The following ZNF385D variants were observed in gnomAD, a reference collection of about 807,000 sequenced individuals.
ZNF385D encodes zinc finger protein 659.
ZNF385D carries 15 observed loss-of-function variants against 35.8 expected under a neutral mutation model. The observed-to-expected ratio is 0.42, with a 90% CI of 0.28 to 0.64. The LOEUF is 0.64. Among genes scored for constraint, ZNF385D ranks in the 30% least tolerant of loss-of-function variants. ZNF385D has a pLI of 0.23. For synonymous variants in ZNF385D, 212 were observed against 186.8 expected, an observed-to-expected ratio of 1.13 and a Z score of -1.10; for missense variants, 474 against 494.6, an observed-to-expected ratio of 0.96 and a Z score of 0.39.
chr3:22,252,305 C>G (rs1176995848), intron 2 of ZNF385D, among the ~76,000 whole-genome samples: 4 of 151,988 alleles, frequency 2.6e-5, no homozygotes, highest in Admixed American at 1.3e-4. Context: ...TAATTTTTCC[C>G]TGATTTAAAC....
intron 2 of ZNF385D, among the ~76,000 whole-genome samples, chr3:22,295,451 T>G (rs1261916610): frequency 7.1e-6 from 1 of 140,612 alleles, no homozygotes; most frequent in Middle Eastern, 3.2e-3. Flanking sequence ...AACAAATTTT[T>G]TAATGCAGTA....
chr3:21,890,644 A>C (rs1404500980), intron 3 of ZNF385D, among the ~76,000 whole-genome samples: 2 of 152,092 alleles, frequency 1.3e-5, no homozygotes, highest in African/African-American at 4.8e-5. Flanking sequence ...AGAGAAGAGA[A>C]GAGAAGAGAA....
chr3:22,281,322 A>G (rs1701727363), intron 2 of ZNF385D, among the ~76,000 whole-genome samples: 2 of 151,966 alleles, frequency 1.3e-5, no homozygotes, highest in African/African-American at 4.8e-5. Flanking sequence ...CCAGTTCTTA[A>G]AGGGAATGCT....
chr3:22,203,227 G>A (rs939488891), intron 2 of ZNF385D, among the ~76,000 whole-genome samples: 4 of 152,112 alleles, frequency 2.6e-5, no homozygotes, highest in South Asian at 2.1e-4. Context: ...GCAATGGGCA[G>A]AGATGCGAGG....
intron 3 of ZNF385D, among the ~76,000 whole-genome samples, chr3:21,866,245 G>A (rs956310043): frequency 5.9e-5 from 9 of 152,072 alleles, no homozygotes; most frequent in Admixed American, 3.3e-4. Context: ...CTGAGGTCAG[G>A]AGTTCGAGAC....
intron 3 of ZNF385D, among the ~76,000 whole-genome samples, chr3:21,556,481 G>A (rs955981897): frequency 6.6e-6 from 1 of 152,058 alleles, no homozygotes; most frequent in Non-Finnish European, 1.5e-5. Context: ...AAATAGGGAA[G>A]CCTTTCCCCA....
intron 1 of ZNF385D, among the ~76,000 whole-genome samples, chr3:21,730,382 T>C (rs2068940604): frequency 6.6e-6 from 1 of 152,230 alleles, no homozygotes; most frequent in Admixed American, 6.5e-5. Context: ...TGGGAAGCTT[T>C]TGCACATTTT....
At chr3:21,867,362 T>A (rs1400267519) in intron 3 of ZNF385D, among the ~76,000 whole-genome samples, 1 of 152,100 alleles carries the variant, frequency 6.6e-6, no homozygotes, top group African/African-American at 2.4e-5. Context: ...TAAATCAAAA[T>A]CTCCAGAGGT....
chr3:22,030,176 G>A (rs1031375197), intron 3 of ZNF385D, among the ~76,000 whole-genome samples: 3 of 146,944 alleles, frequency 2.0e-5, no homozygotes, highest in African/African-American at 7.6e-5. Flanking sequence ...GACTTGGACT[G>A]GCTCTACTTG....
intron 2 of ZNF385D, among the ~76,000 whole-genome samples, chr3:22,247,947 T>C (rs572895421): frequency 6.6e-6 from 1 of 152,230 alleles, no homozygotes; most frequent in East Asian, 1.9e-4. Context: ...TTCCATGGAT[T>C]CAAGAGCATT....
chr3:21,703,640 T>G (rs1339103698), intron 1 of ZNF385D, among the ~76,000 whole-genome samples: 1 of 145,366 alleles, frequency 6.9e-6, no homozygotes, highest in Non-Finnish European at 1.5e-5. Context: ...CTTGTAAATA[T>G]AGCTCATGCT....
At chr3:21,725,106 C>T (rs922084557) in intron 1 of ZNF385D, among the ~76,000 whole-genome samples, 1 of 152,022 alleles carries the variant, frequency 6.6e-6, no homozygotes, top group Non-Finnish European at 1.5e-5. Flanking sequence ...AAAATGAGGG[C>T]AGAAATAAAG....
At chr3:21,526,057 G>A (rs976063672) in intron 3 of ZNF385D, among the ~76,000 whole-genome samples, 7 of 151,992 alleles carry the variant, frequency 4.6e-5, no homozygotes, top group South Asian at 4.1e-4. Flanking sequence ...TTATTACACC[G>A]TAAACAGATG....
intron 1 of ZNF385D, among the ~76,000 whole-genome samples, chr3:21,731,073 G>A (rs1052141955): frequency 2.2e-4 from 33 of 152,114 alleles, no homozygotes; most frequent in African/African-American, 8.0e-4. Context: ...AGTACATGCT[G>A]TAAAATATAT....
intron 2 of ZNF385D, among the ~76,000 whole-genome samples, chr3:22,330,823 C>A (rs2125460124): frequency 6.6e-6 from 1 of 152,304 alleles, no homozygotes; most frequent in Middle Eastern, 3.4e-3. Context: ...CCTGCCTTTA[C>A]TTTGCACTCT....
At chr3:22,113,965 G>C (rs753171833) in intron 3 of ZNF385D, among the ~76,000 whole-genome samples, 32 of 151,934 alleles carry the variant, frequency 2.1e-4, no homozygotes, top group Non-Finnish European at 4.0e-4. Context: ...AACCACATCA[G>C]TTTACCTTTA....
intron 3 of ZNF385D, chr3:21,961,505 ATT>A (rs1261093173): frequency 6.6e-6 from 1 of 152,200 alleles, no homozygotes; most frequent in Non-Finnish European, 1.5e-5. Context: ...AATGAAATAA[ATT>A]GTAATCATGC....
intron 2 of ZNF385D, among the ~76,000 whole-genome samples, chr3:22,217,459 G>A (rs1697959730): frequency 6.6e-6 from 1 of 152,070 alleles, no homozygotes; most frequent in African/African-American, 2.4e-5. Flanking sequence ...ATACAGAGGT[G>A]CACTTCACTC....
intron 3 of ZNF385D, among the ~76,000 whole-genome samples, chr3:21,967,665 C>A (rs187069844): frequency 6.6e-6 from 1 of 152,300 alleles, no homozygotes. Flanking sequence ...CCTAAGACTT[C>A]TAACACACAG....
Sources: gnomAD v4.1 joint callset for allele counts (sites outside exome capture counted in the v4.1 genomes callset) on GRCh38, gnomAD v4.1.1 for gene constraint, MANE v1.5 for transcripts, NCBI Gene and HGNC (gene_info 2026-07-23, HGNC 2026-07-21) for gene names.